The following ANKS1B variants were observed in gnomAD, a reference collection of about 807,000 sequenced individuals.
The protein encoded by ANKS1B is ankyrin repeat and sterile alpha motif domain-containing protein 1B.
In ANKS1B, 36 loss-of-function variants were observed where a neutral mutation model predicts 148.3. The ratio of observed to expected loss-of-function variants is 0.24; its 90% CI spans 0.19 to 0.32. The LOEUF (loss-of-function observed/expected upper bound fraction) is 0.32, where lower values mean the gene tolerates loss of function less well. Ranked by LOEUF, ANKS1B falls within the 10% of genes least tolerant of loss-of-function variation. The pLI is 1.00. For synonymous variants in ANKS1B, 542 were observed against 560.8 expected, an observed-to-expected ratio of 0.97 and a Z score of 0.47; for missense variants, 1,157 against 1,542.6, an observed-to-expected ratio of 0.75 and a Z score of 4.19.
At chr12:99,686,370 C>A (rs750881052) in intron 8 of ANKS1B, among the ~76,000 whole-genome samples, 21 of 152,066 alleles carry the variant, frequency 1.4e-4, no homozygotes, top group Non-Finnish European at 2.6e-4. Context: ...CACACTATGC[C>A]CAAATAATAT....
At chr12:99,061,840 G>T (rs1351921390) in intron 16 of ANKS1B, among the ~76,000 whole-genome samples, 1 of 152,106 alleles carries the variant, frequency 6.6e-6, no homozygotes, top group Non-Finnish European at 1.5e-5. Context: ...TATCGTTAAA[G>T]AAGCTTCATT....
At chr12:98,984,890 A>G (rs915632508) in intron 17 of ANKS1B, among the ~76,000 whole-genome samples, 1 of 152,156 alleles carries the variant, frequency 6.6e-6, no homozygotes, top group African/African-American at 2.4e-5. Flanking sequence ...GTGTGCCTAT[A>G]GTCTCAGCTA....
At chr12:99,902,781 C>T (rs2093643070) in intron 1 of ANKS1B, among the ~76,000 whole-genome samples, 2 of 147,840 alleles carry the variant, frequency 1.4e-5, no homozygotes, top group Non-Finnish European at 3.0e-5. Context: ...GACAGAGTCT[C>T]ACTCTGTCAT....
chr12:99,926,323 A>G (rs966361040), intron 1 of ANKS1B, among the ~76,000 whole-genome samples: 2 of 152,212 alleles, frequency 1.3e-5, no homozygotes, highest in African/African-American at 4.8e-5. Flanking sequence ...TTAGTCAAAC[A>G]TTATTTGGTG....
At chr12:99,919,644 T>C (rs1214900741) in intron 1 of ANKS1B, among the ~76,000 whole-genome samples, 2 of 152,194 alleles carry the variant, frequency 1.3e-5, no homozygotes, top group Non-Finnish European at 2.9e-5. Flanking sequence ...AGAACTGTTT[T>C]GGTCACCCCA....
At chr12:99,253,689 G>A (rs530767430) in intron 12 of ANKS1B, among the ~76,000 whole-genome samples, 9 of 152,292 alleles carry the variant, frequency 5.9e-5, no homozygotes, top group Admixed American at 2.0e-4. Context: ...CTAGGAATGG[G>A]AATCCTAAAT....
chr12:98,779,123 T>C (rs1048066365), intron 24 of ANKS1B, among the ~76,000 whole-genome samples: 10 of 152,248 alleles, frequency 6.6e-5, no homozygotes, highest in African/African-American at 2.4e-4. Flanking sequence ...CTGACCTTCT[T>C]TATTTAGCAT....
intron 17 of ANKS1B, among the ~76,000 whole-genome samples, chr12:98,868,899 C>G (rs201371): frequency 0.44 from 67,044 of 152,118 alleles, 17,278 homozygotes; most frequent in East Asian, 0.8. Context: ...ATTCTGTTAG[C>G]AGCTTGATGT....
At chr12:98,893,509 G>C (rs1285811176) in intron 17 of ANKS1B, 1 of 152,190 alleles carries the variant, frequency 6.6e-6, no homozygotes. Context: ...AGTAACTTGT[G>C]CAAACCTTCA....
chr12:99,910,363 A>G (rs898002349), intron 1 of ANKS1B, among the ~76,000 whole-genome samples: 51 of 150,154 alleles, frequency 3.4e-4, no homozygotes, highest in African/African-American at 1.2e-3. Context: ...TCAAAAAAAA[A>G]AAAAAAAAAA....
chr12:99,758,035 T>C (rs2061731845), intron 8 of ANKS1B, among the ~76,000 whole-genome samples: 1 of 151,952 alleles, frequency 6.6e-6, no homozygotes, highest in Non-Finnish European at 1.5e-5. Flanking sequence ...CAAACCCCCA[T>C]GGCACAAGTT....
intron 9 of ANKS1B, among the ~76,000 whole-genome samples, chr12:99,623,311 G>GA (rs112518712): frequency 2.0e-5 from 3 of 151,830 alleles, no homozygotes; most frequent in Non-Finnish European, 2.9e-5. Context: ...TCTGAACAGG[G>GA]AAAAAATTGA....
chr12:99,935,200 G>A (rs1389036679), intron 1 of ANKS1B, among the ~76,000 whole-genome samples: 1 of 152,052 alleles, frequency 6.6e-6, no homozygotes, highest in Non-Finnish European at 1.5e-5. Flanking sequence ...TCCATGAGAT[G>A]GATGGGTAGA....
intron 1 of ANKS1B, among the ~76,000 whole-genome samples, chr12:99,863,458 G>A (rs1055095906): frequency 8.5e-5 from 13 of 152,166 alleles, no homozygotes; most frequent in African/African-American, 2.4e-4. Context: ...GCCCACACCC[G>A]TAATCCCAGC....
In ANKS1B at chr12:99,632,767, A is replaced by ATATATATTTT. The variant is rs1441486862; in HGVS notation, c.1272+22299_1272+22300insAAAATATATA. On this transcript the variant is annotated intron_variant, in intron 9 of 26. Coordinates refer to ENST00000683438, the MANE Select transcript of ANKS1B (RefSeq NM_001352186.2). ...TATATATATATATATATATATATATATTTTAATTATACTTTAAGTTCTAGG... is the reference window on the plus strand; with the variant it reads ...TATATATATATATATATATATATATATATATATTTTTTTTAATTATACTTTAAGTTCTAGG... Among the ~76,000 whole-genome samples the ATATATATTTT allele has an allele frequency of 1.0e-3, 73 of 71,300 alleles. 1 individual carries two copies. The highest frequency in any genetic ancestry group is 1.6e-3 in the East Asian group (4 of 2,544). The allele number at this position is 71,300 out of a possible 152,430, so 46.8% of individuals were successfully genotyped here. A position where few individuals can be genotyped will look rare whatever the true frequency, so the allele number is the denominator to read the frequency against.
At chr12:99,321,130 C>G (rs2085182983) in intron 12 of ANKS1B, among the ~76,000 whole-genome samples, 1 of 152,182 alleles carries the variant, frequency 6.6e-6, no homozygotes, top group Non-Finnish European at 1.5e-5. Flanking sequence ...GAGGTGTCTC[C>G]CAGTTAGGCT....
chr12:99,928,969 A>C (rs1486540376), intron 1 of ANKS1B, among the ~76,000 whole-genome samples: 1 of 152,224 alleles, frequency 6.6e-6, no homozygotes, highest in Admixed American at 6.5e-5. Flanking sequence ...AGTTAGTAGA[A>C]GTATTAATAA....
intron 10 of ANKS1B, among the ~76,000 whole-genome samples, chr12:99,486,055 A>AT (rs1397315944): frequency 1.3e-5 from 2 of 152,130 alleles, no homozygotes; most frequent in African/African-American, 2.4e-5. Context: ...GTTTGGATCC[A>AT]TTGCTGGAGA....
intron 15 of ANKS1B, among the ~76,000 whole-genome samples, chr12:99,128,841 C>CAA (rs947996810): frequency 3.9e-5 from 6 of 152,080 alleles, no homozygotes; most frequent in Admixed American, 2.6e-4. Context: ...AATTCTGTGG[C>CAA]AAAAAGTCTG....
Sources: gnomAD v4.1 joint callset for allele counts (sites outside exome capture counted in the v4.1 genomes callset) on GRCh38, gnomAD v4.1.1 for gene constraint, MANE v1.5 for transcripts, NCBI Gene and HGNC (gene_info 2026-07-23, HGNC 2026-07-21) for gene names.